The following TUBA1C variants were observed in gnomAD, a reference collection of about 807,000 sequenced individuals.
TUBA1C encodes the protein tubulin alpha 1c, also known as tubulin alpha-1C chain.
A neutral mutation model predicts 34.9 loss-of-function variants in TUBA1C; 16 were observed. The ratio of observed to expected loss-of-function variants is 0.46; its 90% CI spans 0.31 to 0.70. The LOEUF (loss-of-function observed/expected upper bound fraction) is 0.70. Among genes scored for constraint, TUBA1C ranks in the 30% least tolerant of loss-of-function variants. The pLI is 0.05. For synonymous variants in TUBA1C, 177 were observed against 215.9 expected (o/e 0.82, Z 1.58); for missense variants, 329 against 587.3 (o/e 0.56, Z 4.55).
At chr12:49,228,210 A>C in intron 1 of TUBA1C, 1 of 1,519,284 alleles carries the variant, frequency 6.6e-7, no homozygotes, top group Non-Finnish European at 8.8e-7. Flanking sequence ...TTCATCATGC[A>C]CGGCTTGGAC....
chr12:49,233,329 T>G (rs545807194), intron 1 of TUBA1C: 1 of 152,390 alleles, frequency 6.6e-6, no homozygotes, highest in African/African-American at 2.4e-5. Flanking sequence ...GTTTCTCTGC[T>G]GATAAACAAA....
At chr12:49,244,604 C>A (rs1451639345) in intron 1 of TUBA1C, among the ~76,000 whole-genome samples, 1 of 151,638 alleles carries the variant, frequency 6.6e-6, no homozygotes, top group Non-Finnish European at 1.5e-5. Context: ...ATTCTTGTTG[C>A]CCAGGCTGGA....
chr12:49,269,915 G>A lies in TUBA1C; in HGVS notation c.314G>A (p.Arg105Gln), dbSNP rs1428700785. Residue 105 changes from arginine to glutamine, a missense_variant, in exon 3 of 4, where the codon CGA (arginine) becomes CAA (glutamine). Physicochemically the swap from Arg to Gln is conservative, Grantham distance 43 (BLOSUM62 1). Around this residue, in one of 4 missense-constraint regions of TUBA1C, gnomAD observed 152 missense variants for 240.3 expected, o/e 0.63. Coordinates refer to ENST00000301072, the MANE Select transcript of TUBA1C (RefSeq NM_032704.5). The stretch of plus-strand genomic sequence containing the variant: ...GAAGATGCTGCCAATAACTATGCCC[G>A]AGGGCACTACACCATTGGCAAGGAG... ...GKEDAANNYARGHYTIGKEII... is the reference protein window; with the variant it reads ...GKEDAANNYAQGHYTIGKEII... The A allele has an allele frequency of 3.7e-6, 6 of 1,614,062 alleles. No homozygotes were observed. Among genetic ancestry groups the A allele is most frequent in the Middle Eastern group, 1.6e-4 (1 of 6,068 alleles).
At position 49,265,758 on chromosome 12, in the gene TUBA1C, C is replaced by T. The variant is rs117275871; in HGVS notation, c.3+574C>T. Reference sequence around the variant, plus strand: ...AAGGGAATAATTAACTTTCACGTTGCCTAATCCTGCATTTCTGGTGTTAAT... The same window carrying T: ...AAGGGAATAATTAACTTTCACGTTGTCTAATCCTGCATTTCTGGTGTTAAT... On this transcript the variant is annotated intron_variant, in intron 1 of 3. Coordinates refer to ENST00000301072, the MANE Select transcript of TUBA1C (RefSeq NM_032704.5). Among the ~76,000 whole-genome samples the T allele has an allele frequency of 6.3e-3, 963 of 152,260 alleles. 7 individuals carry two copies. The highest frequency in any genetic ancestry group is 0.01 in the Non-Finnish European group (688 of 68,012).
chr12:49,248,524 G>T (rs565442577), intron 1 of TUBA1C, among the ~76,000 whole-genome samples: 20 of 145,362 alleles, frequency 1.4e-4, no homozygotes, highest in Non-Finnish European at 2.1e-4. Context: ...GCTGAGACCG[G>T]GTTGTTGCCT....
chr12:49,228,439 T>C (rs1370337218), intron 1 of TUBA1C, among the ~76,000 whole-genome samples: 1 of 152,224 alleles, frequency 6.6e-6, no homozygotes, highest in Non-Finnish European at 1.5e-5. Flanking sequence ...ATTATATTTT[T>C]GTCTTATACT....
At chr12:49,265,050 A>G, upstream of TUBA1C, 1 of 1,272,830 alleles carries the variant, frequency 7.9e-7, no homozygotes, top group Non-Finnish European at 1.0e-6. Flanking sequence ...GGGACCGGGT[A>G]TATAAGGCCC....
chr12:49,243,314 G>A (rs1356011820), intron 1 of TUBA1C, among the ~76,000 whole-genome samples: 5 of 152,160 alleles, frequency 3.3e-5, no homozygotes, highest in South Asian at 2.1e-4. Context: ...GGTGGCGCGC[G>A]CCTGGAGTCC....
rs533962784 is a variant in TUBA1C at position 49,253,985 on chromosome 12, G to A, written c.214-15480G>A. ...GACTAGTATTAATAAAATCAGGGACGGGGAGCCCTACAGAGATAGAAGACA... is the reference window on the plus strand; with the variant it reads ...GACTAGTATTAATAAAATCAGGGACAGGGAGCCCTACAGAGATAGAAGACA... On this transcript the variant is annotated intron_variant, in intron 1 of 3. Transcript: ENST00000541364. Among the ~76,000 whole-genome samples the A allele has an allele frequency of 3.2e-4, 49 of 152,176 alleles. No homozygotes were observed. The East Asian group carries it at 5.0e-3, about 16-fold the overall frequency.
intron 3 of TUBA1C, among the ~76,000 whole-genome samples, chr12:49,271,874 T>A (rs1486965677): frequency 6.6e-6 from 1 of 152,176 alleles, no homozygotes; most frequent in African/African-American, 2.4e-5. Context: ...TTCCTCTGCC[T>A]AAGGCAATAG....
At chr12:49,231,643 C>CTA (rs961588033) in intron 1 of TUBA1C, among the ~76,000 whole-genome samples, 21 of 152,254 alleles carry the variant, frequency 1.4e-4, no homozygotes, top group African/African-American at 5.1e-4. Context: ...TGTGCCATGG[C>CTA]TATTTTTCTT....
Position 49,265,166 on chromosome 12 carries a change from C to A in TUBA1C, c.-16C>A. 1 of 1,603,646 alleles carries A rather than the reference C, an allele frequency of 6.2e-7. No homozygotes were observed. The highest frequency in any genetic ancestry group is 8.5e-7 in the Non-Finnish European group (1 of 1,172,876). ...TTCGCCTCCTTCACCGCCGCAGACC[C>A]CTTCAAGTTCTAGTCATGGTGAGTG... On this transcript the variant is annotated 5_prime_UTR_variant, in exon 1 of 4. Transcript: ENST00000301072.
At chr12:49,256,498 C>A in intron 1 of TUBA1C, 1 of 449,356 alleles carries the variant, frequency 2.2e-6, no homozygotes, top group Non-Finnish European at 4.5e-6. Flanking sequence ...TGTTCCGTAT[C>A]ACCCATTTAC....
At chr12:49,231,199 C>A (rs905129933) in intron 1 of TUBA1C, among the ~76,000 whole-genome samples, 2 of 152,152 alleles carry the variant, frequency 1.3e-5, no homozygotes, top group African/African-American at 4.8e-5. Flanking sequence ...GGGTCTCATT[C>A]TATTGCCCAG....
chr12:49,240,041 C>CAG (rs1942596736), intron 1 of TUBA1C, among the ~76,000 whole-genome samples: 1 of 131,628 alleles, frequency 7.6e-6, no homozygotes, highest in East Asian at 2.4e-4. Context: ...CACAGACACA[C>CAG]ACACACACAC....
intron 1 of TUBA1C, chr12:49,233,158 C>G (rs1467325312): frequency 2.0e-5 from 3 of 152,290 alleles, no homozygotes; most frequent in Admixed American, 2.0e-4. Context: ...TGTGTCCTTG[C>G]GATTAGTTTG....
chr12:49,266,501 G>C (rs1243506464), intron 1 of TUBA1C, among the ~76,000 whole-genome samples: 2 of 152,078 alleles, frequency 1.3e-5, no homozygotes, highest in East Asian at 3.9e-4. Flanking sequence ...TTCAAGAAAC[G>C]TGAAATTATA....
At chr12:49,238,929 C>T (rs1565639094) in intron 1 of TUBA1C, among the ~76,000 whole-genome samples, 1 of 152,134 alleles carries the variant, frequency 6.6e-6, no homozygotes, top group Non-Finnish European at 1.5e-5. Flanking sequence ...TGAACCCTGC[C>T]CTTTTGGGTT....
rs1362576200 is a variant in TUBA1C, at chr12:49,269,486, G to A, written c.25G>A (p.Val9Ile). MRECISIH[V>I]GQAGVQIGNA... ...ACAGCGTGAGTGCATCTCCATCCAC[G>A]TTGGCCAGGCTGGTGTCCAGATTGG... The change falls in exon 2 of 4, where the codon GTT (valine) becomes ATT (isoleucine). Residue 9 changes from valine to isoleucine, a missense_variant. Physicochemically the swap from Val to Ile is conservative, Grantham distance 29. This residue lies in a region of TUBA1C where 152 missense variants were observed against 240.3 expected (regional missense o/e 0.63). Transcript: ENST00000301072. 5.6e-6 allele frequency: 9 copies of A among 1,614,042 alleles called. No homozygotes were observed. The highest frequency in any genetic ancestry group is 2.2e-5 in the East Asian group (1 of 44,898).
Sources: gnomAD v4.1 joint callset for allele counts (sites outside exome capture counted in the v4.1 genomes callset) on GRCh38, gnomAD v4.1.1 for gene constraint, gnomAD v4.1.1 regional missense constraint, MANE v1.5 for transcripts, NCBI Gene and HGNC (gene_info 2026-07-23, HGNC 2026-07-21) for gene names.